ACTN4: variants seen among roughly 807,000 people sequenced by gnomAD.
ACTN4 encodes alpha-actinin-4.
In ACTN4, 18 loss-of-function variants were observed where a neutral mutation model predicts 114.2. The observed-to-expected ratio is 0.16, with a 90% CI of 0.11 to 0.23. The LOEUF is 0.23. ACTN4 is among the 10% of genes least tolerant of loss of function. ACTN4 has a pLI of 1.00. For synonymous variants in ACTN4, 515 were observed against 506.3 expected (o/e 1.02, Z -0.23); for missense variants, 722 against 1,262.9 (o/e 0.57, Z 6.49).
At chr19:38,654,561 CAAAA>C (rs35967763) in intron 1 of ACTN4, among the ~76,000 whole-genome samples, 4 of 96,328 alleles carry the variant, frequency 4.2e-5, no homozygotes, top group African/African-American at 8.1e-5. Context: ...GGCTCCGTCT[CAAAA>C]AAAAAAAAAA....
At chr19:38,728,465 C>A in intron 19 of ACTN4, 1 of 991,546 alleles carries the variant, frequency 1.0e-6, no homozygotes, top group South Asian at 1.5e-5. Flanking sequence ...CACCTCTCCC[C>A]CTCACCGCCT....
chr19:38,730,111 A>C lies in ACTN4; in HGVS notation c.*679A>C, dbSNP rs576029011. On this transcript the variant is annotated 3_prime_UTR_variant, in exon 21 of 21. Transcript: ENST00000252699. ...GAACCAAAAAAAAAAAAGGAAAAAA[A>C]ACACAAAACAACAAAAACCAAAAAA... is the stretch of plus-strand genomic sequence containing the variant. The C allele has an allele frequency of 6.7e-6, 1 of 149,320 alleles. No homozygotes were observed. Among genetic ancestry groups the C allele is most frequent in the South Asian group, 2.0e-4 (1 of 5,016 alleles). The allele number at this position is 149,320 out of a possible 1,614,324, so 9.2% of individuals were successfully genotyped here.
At chr19:38,656,327 G>T (rs1024983045) in intron 1 of ACTN4, among the ~76,000 whole-genome samples, 1 of 152,082 alleles carries the variant, frequency 6.6e-6, no homozygotes, top group Non-Finnish European at 1.5e-5. Flanking sequence ...GCCCAGTCTG[G>T]TCTCAGCCTC....
chr19:38,707,987 C>T, intron 5 of ACTN4, 130 bp from the exon 6 acceptor site: 1 of 936,776 alleles, frequency 1.1e-6, no homozygotes, highest in Non-Finnish European at 1.7e-6. Flanking sequence ...CACACTGTCT[C>T]CATGCAGTGC....
chr19:38,657,795 G>A (rs1409964293), intron 1 of ACTN4, among the ~76,000 whole-genome samples: 2 of 152,100 alleles, frequency 1.3e-5, no homozygotes, highest in Non-Finnish European at 2.9e-5. Context: ...GAGGACTGTG[G>A]GTCTACAGCC....
At chr19:38,648,787 A>G (rs1453083227) in intron 1 of ACTN4, among the ~76,000 whole-genome samples, 1 of 151,788 alleles carries the variant, frequency 6.6e-6, no homozygotes, top group African/African-American at 2.4e-5. Context: ...GAGTGGGGAT[A>G]ATTTGGGGAG....
In ACTN4 at chr19:38,727,150, G is replaced by C; in HGVS notation, c.2337+47G>C. On this transcript the variant is annotated intron_variant, in intron 18 of 20. Coordinates refer to ENST00000252699, the MANE Select transcript of ACTN4 (RefSeq NM_004924.6). The surrounding 1 kb of genome is among the most constrained non-coding windows in gnomAD (Gnocchi z 5.4). ...CGGCCTCTCCCCTCCCGCCGTTGCC[G>C]TACCAGCCCACACCTTCGTCTCTGC... is the stretch of plus-strand genomic sequence containing the variant. 1 of 1,612,734 alleles carries C rather than the reference G, an allele frequency of 6.2e-7. No individual in the cohort carries two copies. The highest frequency in any genetic ancestry group is 1.1e-5 in the South Asian group (1 of 91,036).
At chr19:38,713,048 G>T (rs1321874543) in intron 8 of ACTN4, among the ~76,000 whole-genome samples, 2 of 152,160 alleles carry the variant, frequency 1.3e-5, no homozygotes, top group East Asian at 3.9e-4. Context: ...GGACAGCCCC[G>T]TGGTGCTGCT....
chr19:38,676,990 C>T lies in ACTN4; in HGVS notation c.163-23610C>T, dbSNP rs138299248. Among the ~76,000 whole-genome samples, 686 of 152,308 alleles carry T rather than the reference C, an allele frequency of 4.5e-3. 5 individuals are homozygous for T. The highest frequency in any genetic ancestry group is 0.016 in the African/African-American group (646 of 41,572). On this transcript the variant is annotated intron_variant, in intron 1 of 20. Transcript: ENST00000252699. ...AAGGCCCTGCAGGATCTGTTTTCTC[C>T]TCTCTGTGCTCCGGGCGCATGCCAG...
In ACTN4 at chr19:38,730,580, T is replaced by C. The variant is rs1969508807; in HGVS notation, c.*1148T>C. 3.6e-6 allele frequency: 2 copies of C among 561,314 alleles called. No individual in the cohort carries two copies. Among genetic ancestry groups the C allele is most frequent in the Non-Finnish European group, 6.4e-6 (2 of 313,926 alleles). The allele number at this position is 561,314 out of a possible 1,614,324, so 34.8% of individuals were successfully genotyped here. On this transcript the variant is annotated 3_prime_UTR_variant, in exon 21 of 21. Coordinates refer to ENST00000252699, the MANE Select transcript of ACTN4 (RefSeq NM_004924.6). ...ATTTCTCCTGTGTCTGTCCTCCACC[T>C]TCTAGGAGAGCCAGGGCAGAGCTAG... is the stretch of plus-strand genomic sequence containing the variant.
rs941360994 is a variant in ACTN4, at chr19:38,728,647, T to TTCTTTC, written c.2419-339_2419-334dup. On this transcript the variant is annotated intron_variant, in intron 19 of 20. Transcript: ENST00000252699. ...GCAGCTCTCCCACTCTCTCCCCTTT[T>TTCTTTC]TCTTTCTCTTTCTCTCTTTCTTCCC... Among the ~76,000 whole-genome samples, 8 of 152,256 alleles carry TTCTTTC rather than the reference T, an allele frequency of 5.3e-5. No individual in the cohort carries two copies. In the South Asian group the frequency reaches 1.7e-3, roughly 32 times the overall value.
chr19:38,682,637 C>T (rs758069369), intron 1 of ACTN4, among the ~76,000 whole-genome samples: 3 of 152,196 alleles, frequency 2.0e-5, no homozygotes, highest in Non-Finnish European at 4.4e-5. Context: ...GGGATTGGGG[C>T]GGCGTTCTCC....
intron 1 of ACTN4, among the ~76,000 whole-genome samples, chr19:38,669,752 A>C (rs955953616): frequency 3.9e-5 from 6 of 152,144 alleles, no homozygotes; most frequent in Non-Finnish European, 7.3e-5. Context: ...GGCTGGTAAC[A>C]GTGCCGGAGC....
rs563972849 is a variant in ACTN4, at chr19:38,671,517, T to G, written c.162+23610T>G. ...TTTGACTTTGGGAAGATACTGGCAGTCCAGGTTTTGTGACAGAGATCCATC... is the reference window on the plus strand; with the variant it reads ...TTTGACTTTGGGAAGATACTGGCAGGCCAGGTTTTGTGACAGAGATCCATC... On this transcript the variant is annotated intron_variant, in intron 1 of 20. Coordinates refer to ENST00000252699, the MANE Select transcript of ACTN4 (RefSeq NM_004924.6). Among the ~76,000 whole-genome samples the G allele has an allele frequency of 2.0e-5, 3 of 152,334 alleles. No individual in the cohort carries two copies. The East Asian group carries it at 5.8e-4, about 29-fold the overall frequency.
intron 1 of ACTN4, among the ~76,000 whole-genome samples, chr19:38,687,967 C>T (rs1967800013): frequency 6.6e-6 from 1 of 152,016 alleles, no homozygotes; most frequent in South Asian, 2.1e-4. Flanking sequence ...AGACACTTCT[C>T]CAAAGAAGAT....
chr19:38,653,177 A>G (rs1976618770), intron 1 of ACTN4, among the ~76,000 whole-genome samples: 1 of 152,050 alleles, frequency 6.6e-6, no homozygotes, highest in Non-Finnish European at 1.5e-5. Context: ...GTTTCAACAT[A>G]TGCTCCAGTC....
intron 3 of ACTN4, among the ~76,000 whole-genome samples, chr19:38,701,368 A>T (rs1968270620): frequency 6.6e-6 from 1 of 152,134 alleles, no homozygotes; most frequent in Non-Finnish European, 1.5e-5. Flanking sequence ...AACCCACCCA[A>T]CCACGGGGGC....
At chr19:38,657,032 G>T (rs1599760072) in intron 1 of ACTN4, among the ~76,000 whole-genome samples, 1 of 152,198 alleles carries the variant, frequency 6.6e-6, no homozygotes. Flanking sequence ...CTGGAGTGCA[G>T]TGGCCTAATC....
chr19:38,717,291 TGCCCTCC>T lies in ACTN4; in HGVS notation c.1120_1126del (p.Pro374ArgfsTer27). On this transcript the variant is annotated frameshift_variant, in exon 10 of 21. Coordinates refer to ENST00000252699, the MANE Select transcript of ACTN4 (RefSeq NM_004924.6). LOFTEE classifies it high-confidence loss of function. The surrounding 1 kb of genome is among the most constrained non-coding windows in gnomAD (Gnocchi z 4.0). ...CGCCTCAGCAACCGGCCCGCCTTCATGCCCTCCGAGGGCAAGATGGTCTCGGTGAGCA... is the reference window on the plus strand; with the variant it reads ...CGCCTCAGCAACCGGCCCGCCTTCATGAGGGCAAGATGGTCTCGGTGAGCA... The T allele has an allele frequency of 6.2e-7, 1 of 1,613,768 alleles. No individual in the cohort carries two copies. The highest frequency in any genetic ancestry group is 2.2e-5 in the East Asian group (1 of 44,834).
Sources: gnomAD v4.1 joint callset for allele counts (sites outside exome capture counted in the v4.1 genomes callset) on GRCh38, gnomAD v4.1.1 for gene constraint, Gnocchi (gnomAD v3.1) non-coding constraint, MANE v1.5 for transcripts, NCBI Gene and HGNC (gene_info 2026-07-23, HGNC 2026-07-21) for gene names.